Variants in CABP2 observed in about 807,000 individuals in gnomAD.
CABP2 encodes calcium-binding protein 2.
CABP2 carries 25 observed loss-of-function variants against 28.6 expected under a neutral mutation model. That is an observed-to-expected ratio of 0.87 (90% CI 0.64 to 1.22). CABP2 has a LOEUF of 1.22. Among genes scored for constraint, CABP2 ranks in the 50% most tolerant of loss-of-function variants. CABP2 has a pLI of 0.00. For synonymous variants in CABP2, 138 were observed against 126.0 expected (o/e 1.09, Z -0.64); for missense variants, 310 against 312.2 (o/e 0.99, Z 0.05).
At chr11:67,521,464 C>T (rs1387254931) in intron 3 of CABP2, among the ~76,000 whole-genome samples, 1 of 151,610 alleles carries the variant, frequency 6.6e-6, no homozygotes, top group East Asian at 1.9e-4. Context: ...TCACTCTTCC[C>T]CTTCCTCTTT....
At chr11:67,520,557 C>T (rs1176618901) in intron 4 of CABP2, among the ~76,000 whole-genome samples, 1 of 152,130 alleles carries the variant, frequency 6.6e-6, no homozygotes, top group Non-Finnish European at 1.5e-5. Flanking sequence ...ACTCAGGAGG[C>T]TGAGGCAGGA....
rs1866778869 is a variant in CABP2, at chr11:67,523,282, T to C, written c.42+3A>G. ...CCTGGGTTTCTCCCCTGACCCCTCC[T>C]ACCTTAGGGCCCCGGCGCCAGGGCC... On this transcript the variant is annotated splice_donor_region_variant and intron_variant, in intron 1 of 6. Transcript: ENST00000294288. 5 of 1,554,218 alleles carry C rather than the reference T, an allele frequency of 3.2e-6. No homozygotes were observed. Among genetic ancestry groups the C allele is most frequent in the Non-Finnish European group, 4.4e-6 (5 of 1,147,902 alleles).
chr11:67,520,840 G>T (rs1866736230), intron 4 of CABP2, among the ~76,000 whole-genome samples, 185 bp downstream of exon 4: 1 of 152,204 alleles, frequency 6.6e-6, no homozygotes, highest in East Asian at 1.9e-4. Context: ...CACAGTCCTT[G>T]CTGTGCCCAC....
In CABP2 at chr11:67,523,421, G is replaced by T. The variant is rs969304293; in HGVS notation, c.-95C>A. ...TGAGGACTCCTGCCAGCCCCCAGCT[G>T]CTCCCGATGAGAGCCTGGGAGTACT... On this transcript the variant is annotated 5_prime_UTR_variant, in exon 1 of 7. Coordinates refer to ENST00000294288, the MANE Select transcript of CABP2 (RefSeq NM_016366.3). 60 of 1,413,518 alleles carry T rather than the reference G, an allele frequency of 4.2e-5. No individual in the cohort carries two copies. The Middle Eastern group carries it at 7.9e-4, about 19-fold the overall frequency. The allele number at this position is 1,413,518 out of a possible 1,614,324, so 87.6% of individuals were successfully genotyped here.
chr11:67,521,866 C>CCAG, intron 3 of CABP2, 86 bp downstream of exon 3: 11 of 656,258 alleles, frequency 1.7e-5, no homozygotes, highest in Non-Finnish European at 2.5e-5. Flanking sequence ...GGCCCCCACC[C>CCAG]GATGCCCCCC....
At position 67,519,042 on chromosome 11, in the gene CABP2, G is replaced by T. The variant is rs1469399804; in HGVS notation, c.*97C>A. 5 of 1,355,316 alleles carry T rather than the reference G, an allele frequency of 3.7e-6. No homozygotes were observed. In the Admixed American group the frequency reaches 8.6e-5, roughly 23 times the overall value. The allele number at this position is 1,355,316 out of a possible 1,614,324, so 84.0% of individuals were successfully genotyped here. A position where few individuals can be genotyped will look rare whatever the true frequency, so the allele number is the denominator to read the frequency against. On this transcript the variant is annotated 3_prime_UTR_variant, in exon 7 of 7. Transcript: ENST00000294288. ...CACAGGTGGGATGGGGAGGAAAGGA[G>T]GGTCCCCGCTAGAGGCGATGGGCTT... is the stretch of plus-strand genomic sequence containing the variant.
chr11:67,520,006 C>A, intron 5 of CABP2, 45 bp downstream of exon 5: 2 of 1,600,282 alleles, frequency 1.2e-6, no homozygotes, highest in Non-Finnish European at 1.7e-6. Flanking sequence ...CCCTCACTCA[C>A]GGCAGACACG....
Position 67,522,020 on chromosome 11 carries a change from A to G in CABP2, c.214-38T>C, listed in dbSNP as rs899228112. 10 of 1,595,230 alleles carry G rather than the reference A, an allele frequency of 6.3e-6. No homozygotes were observed. The African/African-American group carries it at 1.1e-4, about 17-fold the overall frequency. On this transcript the variant is annotated intron_variant, in intron 2 of 6. Coordinates refer to ENST00000294288, the MANE Select transcript of CABP2 (RefSeq NM_016366.3). Reference sequence around the variant, plus strand: ...GAGGGGTTAGGAATTCCCTGCTCCTACTGATGACTGTGCCCTTCCTTCTTG... The same window carrying G: ...GAGGGGTTAGGAATTCCCTGCTCCTGCTGATGACTGTGCCCTTCCTTCTTG...
At chr11:67,523,129 T>C (rs1209304671) in intron 1 of CABP2, among the ~76,000 whole-genome samples, 156 bp downstream of exon 1, 1 of 151,854 alleles carries the variant, frequency 6.6e-6, no homozygotes, top group African/African-American at 2.4e-5. Flanking sequence ...AAGATCAGGA[T>C]GGCCAGAGGC....
At chr11:67,522,129 C>T (rs1866756694) in intron 2 of CABP2, 147 bp from the exon 3 acceptor site, 9 of 757,344 alleles carry the variant, frequency 1.2e-5, no homozygotes, top group South Asian at 1.7e-5. Flanking sequence ...CCCTGGTTCC[C>T]ACCCCATCCT....
chr11:67,522,068 C>T, intron 2 of CABP2, 86 bp from the exon 3 acceptor site: 1 of 1,242,180 alleles, frequency 8.1e-7, no homozygotes, highest in Non-Finnish European at 1.2e-6. Context: ...CCCCACCCAG[C>T]CCCACAATCC....
rs1217710255 is a variant in CABP2 at position 67,522,683 on chromosome 11, C to T, written c.76G>A (p.Gly26Ser). The change falls in exon 2 of 7, where the codon GGC becomes AGC. Residue 26 changes from glycine to serine, a missense_variant. By Grantham distance (56) the Gly-to-Ser change is moderately conservative (BLOSUM62 0). Transcript: ENST00000294288. ...PLQWLGSPPR[G>S]SCPSPSSSPK... The stretch of plus-strand genomic sequence containing the variant: ...CTGGAGCTGGGGCTGGGGCAGGAGC[C>T]CCTTGGTGGGGAGCCGAGCCACTGC... 1.6e-5 allele frequency: 25 copies of T among 1,524,202 alleles called. No homozygotes were observed. The South Asian group carries it at 2.1e-4, about 13-fold the overall frequency. 94.4% of individuals were successfully genotyped at this position (1,524,202 alleles called of 1,614,324 possible). A position where few individuals can be genotyped will look rare whatever the true frequency, so the allele number is the denominator to read the frequency against.
At chr11:67,521,232 CCTTGG>C in intron 3 of CABP2, 73 bp from the exon 4 acceptor site, 2 of 1,490,640 alleles carry the variant, frequency 1.3e-6, no homozygotes, top group South Asian at 2.4e-5. Flanking sequence ...TACCCTTCTC[CCTTGG>C]TCCAATCATC....
chr11:67,519,009 G>A lies in CABP2; in HGVS notation c.*130C>T, dbSNP rs1162679210. On this transcript the variant is annotated 3_prime_UTR_variant, in exon 7 of 7. Coordinates refer to ENST00000294288, the MANE Select transcript of CABP2 (RefSeq NM_016366.3). Reference sequence around the variant, plus strand: ...GTGGTGGGGGTGAAGGCAGGCAAGGGCACTGCACACAGGTGGGATGGGGAG... The same window carrying A: ...GTGGTGGGGGTGAAGGCAGGCAAGGACACTGCACACAGGTGGGATGGGGAG... 1.4e-5 allele frequency: 13 copies of A among 916,116 alleles called. No individual in the cohort carries two copies. In the South Asian group the frequency reaches 1.7e-4, roughly 12 times the overall value. 56.7% of individuals were successfully genotyped at this position (916,116 alleles called of 1,614,324 possible). A position where few individuals can be genotyped will look rare whatever the true frequency, so the allele number is the denominator to read the frequency against.
Position 67,520,978 on chromosome 11 carries a change from G to A in CABP2, c.379+47C>T, listed in dbSNP as rs764113074. 1.9e-5 allele frequency: 31 copies of A among 1,594,640 alleles called. 1 individual carries two copies. The highest frequency in any genetic ancestry group is 5.0e-5 in the Admixed American group (3 of 59,508). Reference sequence around the variant, plus strand: ...GACTGCTTGGCTTCATGGGCCCAGCGGGGGCATCTGGAGGACTGGGGATGG... The same window carrying A: ...GACTGCTTGGCTTCATGGGCCCAGCAGGGGCATCTGGAGGACTGGGGATGG... On this transcript the variant is annotated intron_variant, in intron 4 of 6. Transcript: ENST00000294288.
Position 67,522,611 on chromosome 11 carries a change from C to T in CABP2, c.148G>A (p.Val50Met), listed in dbSNP as rs772572155. ...GCAGGCCCCACCAGGCTGTTGAGCA[C>T]CGAGTAGCCCTGGACGCCTGGCGCG... ...DPAPGVQGYS[V>M]LNSLVGPACI... Residue 50 changes from valine to methionine, a missense_variant, in exon 2 of 7, where the codon GTG (valine) becomes ATG (methionine). Val to Met is a conservative substitution (Grantham distance 21). Coordinates refer to ENST00000294288, the MANE Select transcript of CABP2 (RefSeq NM_016366.3). 10 of 1,550,794 alleles carry T rather than the reference C, an allele frequency of 6.4e-6. No homozygotes were observed. Among genetic ancestry groups the T allele is most frequent in the African/African-American group, 1.4e-5 (1 of 73,048 alleles).
chr11:67,521,247 C>T, intron 3 of CABP2, 88 bp from the exon 4 acceptor site: 1 of 1,365,848 alleles, frequency 7.3e-7, no homozygotes, highest in Non-Finnish European at 1.0e-6. Context: ...GTCCAATCAT[C>T]CCTCCTTCTG....
rs754133354 is a variant in CABP2 at position 67,519,100 on chromosome 11, C to G, written c.*39G>C. On this transcript the variant is annotated 3_prime_UTR_variant, in exon 7 of 7. Transcript: ENST00000294288. ...CATGCTGGTGGGCAGAGGCTGTGGT[C>G]CTTGAGTCCTTTATGCTGCCTCCAG... is the stretch of plus-strand genomic sequence containing the variant. The G allele has an allele frequency of 1.2e-6, 2 of 1,611,820 alleles. No homozygotes were observed. Among genetic ancestry groups the G allele is most frequent in the Non-Finnish European group, 1.7e-6 (2 of 1,178,152 alleles).
In CABP2 at chr11:67,523,351, G is replaced by C; in HGVS notation, c.-25C>G. ...TGGGCCCTGAACCATGCCAGGCCTG[G>C]AACCCCGGGGGTGGCCCGGGTGGGC... On this transcript the variant is annotated 5_prime_UTR_variant, in exon 1 of 7. Coordinates refer to ENST00000294288, the MANE Select transcript of CABP2 (RefSeq NM_016366.3). 2 of 1,543,762 alleles carry C rather than the reference G, an allele frequency of 1.3e-6. No homozygotes were observed. Among genetic ancestry groups the C allele is most frequent in the Non-Finnish European group, 1.7e-6 (2 of 1,143,138 alleles).
Sources: gnomAD v4.1 joint callset for allele counts (sites outside exome capture counted in the v4.1 genomes callset) on GRCh38, gnomAD v4.1.1 for gene constraint, MANE v1.5 for transcripts, NCBI Gene and HGNC (gene_info 2026-07-23, HGNC 2026-07-21) for gene names.